LARGE1: variants seen among roughly 807,000 people sequenced by gnomAD.
LARGE1 encodes xylosyl- and glucuronyltransferase LARGE1.
A neutral mutation model predicts 87.6 loss-of-function variants in LARGE1; 43 were observed. The observed-to-expected ratio is 0.49, with a 90% CI of 0.38 to 0.63. The LOEUF is 0.63. Among genes scored for constraint, LARGE1 ranks in the 30% least tolerant of loss-of-function variants. The pLI is 0.00. For synonymous variants in LARGE1, 434 were observed against 394.6 expected (o/e 1.10, Z -1.18); for missense variants, 802 against 1,000.2 (o/e 0.80, Z 2.67).
intron 11 of LARGE1, among the ~76,000 whole-genome samples, chr22:33,312,499 A>G (rs1320125821): frequency 3.9e-5 from 6 of 152,164 alleles, no homozygotes; most frequent in African/African-American, 1.4e-4. Context: ...ACAGGGCAAC[A>G]AAGAACCCAC....
chr22:33,082,513 G>A, the LARGE1 span, among the ~76,000 whole-genome samples: 1 of 152,128 alleles, frequency 6.6e-6, no homozygotes, highest in South Asian at 2.1e-4. Flanking sequence ...ATCTGCTATT[G>A]ATTTTCTTGT....
chr22:33,637,394 G>A (rs1277489360), intron 3 of LARGE1, among the ~76,000 whole-genome samples: 1 of 152,144 alleles, frequency 6.6e-6, no homozygotes, highest in African/African-American at 2.4e-5. Flanking sequence ...ACAGACAGGG[G>A]GCTGGCAGAG....
chr22:33,653,050 T>A (rs1224325073), intron 2 of LARGE1, among the ~76,000 whole-genome samples: 2 of 152,176 alleles, frequency 1.3e-5, no homozygotes, highest in Non-Finnish European at 2.9e-5. Flanking sequence ...CCCTGTTTGG[T>A]ACAACTGAGA....
chr22:33,140,822 T>C, the LARGE1 span, among the ~76,000 whole-genome samples: 1 of 152,166 alleles, frequency 6.6e-6, no homozygotes, highest in Non-Finnish European at 1.5e-5. Context: ...AGACGGCCTA[T>C]TGTGGGACTT....
chr22:33,858,198 G>T (rs1325979484), intron 1 of LARGE1, among the ~76,000 whole-genome samples: 1 of 152,220 alleles, frequency 6.6e-6, no homozygotes, highest in Non-Finnish European at 1.5e-5. Context: ...GCCCGATCGG[G>T]AGCGGCAATG....
chr22:33,829,628 G>A (rs1048917325), intron 1 of LARGE1, among the ~76,000 whole-genome samples: 1 of 152,118 alleles, frequency 6.6e-6, no homozygotes, highest in African/African-American at 2.4e-5. Context: ...GGTTCCTGGA[G>A]GAATGTGCTT....
chr22:33,602,230 C>T (rs553140535), intron 5 of LARGE1, among the ~76,000 whole-genome samples: 13 of 152,248 alleles, frequency 8.5e-5, no homozygotes, highest in South Asian at 8.3e-4. Flanking sequence ...GAGAATTCTT[C>T]GGCGGTAAAC....
rs566583878 is a variant in LARGE1, at chr22:33,194,727, A to C, written c.1731-27895T>G. ...CCACCCTGCAGGCCACATTCTTGAG[A>C]TGCCAGGGACACGGAATGATAGTGC... On this transcript the variant is annotated intron_variant, in intron 11 of 11. Coordinates refer to the LARGE1 transcript ENST00000608642. 1.0e-3 allele frequency among the ~76,000 whole-genome samples: 159 copies of C among 152,252 alleles called. 1 individual carries two copies. Among genetic ancestry groups the C allele is most frequent in the African/African-American group, 3.7e-3 (155 of 41,530 alleles).
At chr22:33,361,724 C>CCTCTTT in intron 9 of LARGE1, among the ~76,000 whole-genome samples, 2 of 138,318 alleles carry the variant, frequency 1.4e-5, no homozygotes, top group East Asian at 2.1e-4. Flanking sequence ...CCAACTGGCT[C>CCTCTTT]AGAGTCCCTC....
intron 1 of LARGE1, among the ~76,000 whole-genome samples, chr22:33,776,318 T>A (rs1270193312): frequency 6.6e-6 from 1 of 152,126 alleles, no homozygotes; most frequent in Admixed American, 6.6e-5. Context: ...AGCATAGAGA[T>A]CTCTCTGGGG....
chr22:33,910,203 G>C (rs1248432899), intron 1 of LARGE1, among the ~76,000 whole-genome samples: 4 of 152,168 alleles, frequency 2.6e-5, no homozygotes, highest in African/African-American at 9.7e-5. Flanking sequence ...GGCAGGGACA[G>C]GAAGCTCTGA....
intron 11 of LARGE1, among the ~76,000 whole-genome samples, chr22:33,259,082 GTT>G (rs1183904386): frequency 1.3e-5 from 2 of 152,046 alleles, no homozygotes; most frequent in African/African-American, 4.8e-5. Flanking sequence ...ATTTCACCAT[GTT>G]GGCCAGGATG....
chr22:33,128,408 C>T, the LARGE1 span, among the ~76,000 whole-genome samples: 1 of 152,214 alleles, frequency 6.6e-6, no homozygotes, highest in Admixed American at 6.5e-5. Flanking sequence ...GATGCAGTGG[C>T]TCATGCCTGT....
In LARGE1 at chr22:33,768,427, C is replaced by T. The variant is rs889658329; in HGVS notation, c.-82-6869G>A. ...CACCTTTACCCAAGCCACAATCCAA[C>T]GCGCGCGCTCACACACACACACACA... On this transcript the variant is annotated intron_variant, in intron 1 of 14. Transcript: ENST00000397394. Among the ~76,000 whole-genome samples the T allele has an allele frequency of 1.0e-4, 11 of 108,638 alleles. No homozygotes were observed. In the South Asian group the frequency reaches 1.2e-3, roughly 12 times the overall value. 71.3% of individuals were successfully genotyped at this position (108,638 alleles called of 152,430 possible).
chr22:33,287,905 G>A (rs563254141), intron 12 of LARGE1, among the ~76,000 whole-genome samples: 10 of 152,326 alleles, frequency 6.6e-5, no homozygotes, highest in African/African-American at 2.4e-4. Context: ...CATTAGACAA[G>A]GCGTCTAGCT....
intron 1 of LARGE1, among the ~76,000 whole-genome samples, chr22:33,784,225 T>C (rs1039112742): frequency 7.9e-5 from 12 of 152,234 alleles, no homozygotes; most frequent in African/African-American, 2.9e-4. Context: ...TTTTCTATCA[T>C]ATACTGAGCA....
intron 6 of LARGE1, among the ~76,000 whole-genome samples, chr22:33,552,353 T>C (rs765305347): frequency 1.5e-4 from 23 of 152,188 alleles, no homozygotes; most frequent in Non-Finnish European, 1.8e-4. Context: ...GCCCCCAACC[T>C]ATACAAACAC....
chr22:33,520,988 C>T (rs1273793007), intron 6 of LARGE1, among the ~76,000 whole-genome samples: 1 of 152,164 alleles, frequency 6.6e-6, no homozygotes, highest in Non-Finnish European at 1.5e-5. Context: ...AGGTGAGCTC[C>T]TTGAGGCCAG....
At chr22:33,766,263 C>T (rs2145774082) in intron 1 of LARGE1, among the ~76,000 whole-genome samples, 1 of 152,276 alleles carries the variant, frequency 6.6e-6, no homozygotes, top group East Asian at 1.9e-4. Context: ...GTCTAAGAGT[C>T]ATCCCTAAAC....
Sources: allele counts gnomAD v4.1 joint callset (sites outside exome capture counted in the v4.1 genomes callset), GRCh38; gene constraint gnomAD v4.1.1; transcripts MANE v1.5; gene names NCBI Gene and HGNC (gene_info 2026-07-23, HGNC 2026-07-21).